The following IGBP1 variants were observed in gnomAD, a reference collection of about 807,000 sequenced individuals.
IGBP1 encodes immunoglobulin-binding protein 1.
A neutral mutation model predicts 25.9 loss-of-function variants in IGBP1; 2 were observed. That is an observed-to-expected ratio of 0.08 (90% CI 0.03 to 0.24). The LOEUF is 0.24. Among genes scored for constraint, IGBP1 ranks in the 10% least tolerant of loss-of-function variants. IGBP1 has a pLI of 1.00. For missense variants in IGBP1, 187 were observed against 260.4 expected (o/e 0.72, Z 1.94); for synonymous variants, 96 against 93.4 (o/e 1.03, Z -0.16).
At chrX:70,161,510 G>A (rs772625940) in intron 6 of IGBP1, among the ~76,000 whole-genome samples, 1 of 111,322 alleles carries the variant, frequency 9.0e-6, no homozygotes, top group Non-Finnish European at 1.9e-5. Context: ...GATAGTCAAC[G>A]TATGATGGGG....
chrX:70,148,102 T>C (rs753853685), intron 4 of IGBP1, among the ~76,000 whole-genome samples: 28 of 112,009 alleles, frequency 2.5e-4, no homozygotes, highest in Non-Finnish European at 4.3e-4. Context: ...GTAATCGTTG[T>C]GTTGTTGTTG....
chrX:70,165,996 C>T lies in IGBP1; in HGVS notation c.*15C>T. On this transcript the variant is annotated 3_prime_UTR_variant, in exon 7 of 7. Coordinates refer to ENST00000356413, the MANE Select transcript of IGBP1 (RefSeq NM_001551.3). ...ACATGGGCTGATCTTCCCACAACACCACAGGACTGCAGGGTGCACAACTCC... is the reference window on the plus strand; with the variant it reads ...ACATGGGCTGATCTTCCCACAACACTACAGGACTGCAGGGTGCACAACTCC... 5 of 1,209,103 alleles carry T rather than the reference C, an allele frequency of 4.1e-6. No individual in the cohort carries two copies. In the East Asian group the frequency reaches 8.9e-5, roughly 21 times the overall value.
intron 6 of IGBP1, among the ~76,000 whole-genome samples, chrX:70,163,559 A>T (rs772894625): frequency 8.9e-5 from 10 of 112,090 alleles, no homozygotes; most frequent in Non-Finnish European, 1.5e-4. Flanking sequence ...AATTAAGGGT[A>T]TCACCTTTTT....
intron 6 of IGBP1, chrX:70,163,741 T>A (rs1234550229): frequency 9.0e-6 from 1 of 111,134 alleles, no homozygotes; most frequent in African/African-American, 3.3e-5. Flanking sequence ...TGTATTCAGC[T>A]GCCAATCTGC....
At chrX:70,135,332 A>G (rs979920014) in intron 3 of IGBP1, among the ~76,000 whole-genome samples, 5 of 111,767 alleles carry the variant, frequency 4.5e-5, no homozygotes, top group Non-Finnish European at 9.4e-5. Context: ...GGTGGTCATG[A>G]TGTCTAGGAA....
intron 6 of IGBP1, among the ~76,000 whole-genome samples, chrX:70,162,108 A>G (rs2085273978): frequency 8.9e-6 from 1 of 111,887 alleles, no homozygotes; most frequent in Non-Finnish European, 1.9e-5. Context: ...GTGCTTAGTG[A>G]CTTGCTTCCA....
intron 6 of IGBP1, among the ~76,000 whole-genome samples, chrX:70,165,394 G>A (rs1431060162): frequency 9.0e-6 from 1 of 111,147 alleles, no homozygotes; most frequent in African/African-American, 3.3e-5. Flanking sequence ...GGATGGAGGA[G>A]GAAACGTCAA....
At chrX:70,140,074 T>C (rs2085120842) in intron 3 of IGBP1, among the ~76,000 whole-genome samples, 1 of 112,714 alleles carries the variant, frequency 8.9e-6, no homozygotes, top group Admixed American at 9.4e-5. Context: ...GATCAGTCTC[T>C]TTAAGTAGTT....
At chrX:70,163,090 G>A (rs1380636534) in intron 6 of IGBP1, among the ~76,000 whole-genome samples, 2 of 110,690 alleles carry the variant, frequency 1.8e-5, no homozygotes, top group African/African-American at 6.6e-5. Flanking sequence ...CTCACACTCT[G>A]AGCCCAGGCC....
Position 70,133,793 on chromosome X carries a change from G to A in IGBP1, c.-155G>A. The A allele has an allele frequency of 4.1e-6, 2 of 487,668 alleles. No homozygotes were observed. The highest frequency in any genetic ancestry group is 7.0e-6 in the Non-Finnish European group (2 of 287,110). The allele number at this position is 487,668 out of a possible 1,213,427, so 40.2% of individuals were successfully genotyped here. A position where few individuals can be genotyped will look rare whatever the true frequency, so the allele number is the denominator to read the frequency against. On this transcript the variant is annotated 5_prime_UTR_variant, in exon 2 of 7. Transcript: ENST00000356413. ...AAACGGTTGCCAGGGCCGGCTAACAGCGGCTCCCGGAAGTCCTTTGATGCT... is the reference window on the plus strand; with the variant it reads ...AAACGGTTGCCAGGGCCGGCTAACAACGGCTCCCGGAAGTCCTTTGATGCT...
At chrX:70,137,168 G>A (rs1390506866) in intron 3 of IGBP1, among the ~76,000 whole-genome samples, 2 of 111,498 alleles carry the variant, frequency 1.8e-5, no homozygotes, top group African/African-American at 6.5e-5. Context: ...ACATTTAGGA[G>A]GGTTGAATCT....
intron 6 of IGBP1, among the ~76,000 whole-genome samples, chrX:70,151,805 G>A (rs1349836784): frequency 9.0e-6 from 1 of 110,914 alleles, no homozygotes; most frequent in Non-Finnish European, 1.9e-5. Flanking sequence ...GTGAGCCTGG[G>A]AGGCAGAAGT....
intron 6 of IGBP1, among the ~76,000 whole-genome samples, chrX:70,159,528 T>G (rs2085259846): frequency 9.0e-6 from 1 of 110,941 alleles, no homozygotes; most frequent in Admixed American, 9.6e-5. Flanking sequence ...GTCCAGTGTC[T>G]TCTTGAACTG....
At chrX:70,147,920 A>C (rs933399087) in intron 4 of IGBP1, among the ~76,000 whole-genome samples, 2 of 112,263 alleles carry the variant, frequency 1.8e-5, no homozygotes, top group Non-Finnish European at 3.8e-5. Flanking sequence ...CTAGTTCTTC[A>C]TGTTAAGAGA....
At chrX:70,143,554 G>C (rs2085145611) in intron 3 of IGBP1, among the ~76,000 whole-genome samples, 1 of 112,047 alleles carries the variant, frequency 8.9e-6, no homozygotes, top group Admixed American at 9.5e-5. Flanking sequence ...AACAGAGAAA[G>C]GAAATGGAAG....
intron 4 of IGBP1, 73 bp downstream of exon 4, chrX:70,146,901 A>G: frequency 1.3e-6 from 1 of 785,474 alleles, no homozygotes; most frequent in Non-Finnish European, 1.9e-6. Context: ...GATCCTTTTA[A>G]GTCTCCATAA....
At chrX:70,160,729 C>T (rs1261474603) in intron 6 of IGBP1, among the ~76,000 whole-genome samples, 1 of 111,621 alleles carries the variant, frequency 9.0e-6, no homozygotes, top group East Asian at 2.8e-4. Flanking sequence ...TATGTAATGC[C>T]TATGTGCCCA....
chrX:70,150,123 TAGAG>T (rs2085193260), intron 5 of IGBP1, 83 bp from the exon 6 acceptor site: 5 of 556,160 alleles, frequency 9.0e-6, no homozygotes, highest in South Asian at 2.4e-5. Flanking sequence ...ACTTTGTTGT[TAGAG>T]AGACTTTTTG....
intron 6 of IGBP1, among the ~76,000 whole-genome samples, chrX:70,151,596 C>T (rs1233343337): frequency 4.5e-5 from 5 of 111,686 alleles, no homozygotes; most frequent in African/African-American, 1.3e-4. Context: ...AAATAAGATG[C>T]GCTAGGCACA....
Sources: gnomAD v4.1 joint callset for allele counts (sites outside exome capture counted in the v4.1 genomes callset) on GRCh38, gnomAD v4.1.1 for gene constraint, MANE v1.5 for transcripts, NCBI Gene and HGNC (gene_info 2026-07-23, HGNC 2026-07-21) for gene names.